SMAD4: variants seen among roughly 807,000 people sequenced by gnomAD.
SMAD4 encodes SMAD family member 4, also known as MAD homolog 4.
Under a neutral mutation model 63.2 loss-of-function variants are expected in SMAD4, and 7 were observed. The observed-to-expected ratio is 0.11, with a 90% CI of 0.06 to 0.21. SMAD4 has a LOEUF of 0.21. Among genes scored for constraint, SMAD4 ranks in the 10% least tolerant of loss-of-function variants. The probability of loss-of-function intolerance (pLI) is 1.00; values close to 1 mark genes in which losing one functional copy is unlikely to be tolerated. For synonymous variants in SMAD4, 215 were observed against 235.4 expected (o/e 0.91, Z 0.79); for missense variants, 312 against 693.8 (o/e 0.45, Z 6.18).
intron 10 of SMAD4, among the ~76,000 whole-genome samples, chr18:51,070,667 A>G (rs1254584068): frequency 2.0e-5 from 3 of 152,142 alleles, no homozygotes; most frequent in Admixed American, 2.0e-4. Flanking sequence ...TAGGTTTTAA[A>G]ATGTGCGCTG....
intron 8 of SMAD4, among the ~76,000 whole-genome samples, chr18:51,063,042 CG>C (rs1346079528): frequency 1.3e-5 from 2 of 151,082 alleles, no homozygotes; most frequent in African/African-American, 4.9e-5. Flanking sequence ...TTAGTAGAGA[CG>C]GGGTTTCACT....
chr18:51,068,795 CCTGTAGTTTTAGCTACTTGGGAG>C (rs1303874055), intron 10 of SMAD4, among the ~76,000 whole-genome samples: 1 of 152,002 alleles, frequency 6.6e-6, no homozygotes, highest in African/African-American at 2.4e-5. Context: ...GTGGTGCATG[CCTGTAGTTTTAGCTACTTGGGAG>C]GCTGAGATGG....
intron 10 of SMAD4, among the ~76,000 whole-genome samples, chr18:51,067,844 A>G (rs1910206108): frequency 2.0e-5 from 3 of 152,242 alleles, no homozygotes; most frequent in African/African-American, 2.4e-5. Context: ...TCAGGATTTT[A>G]TGGAAGAGAA....
In SMAD4 at chr18:51,080,800, CA is replaced by C. The variant is rs1910594385; in HGVS notation, c.*2336del. On this transcript the variant is annotated 3_prime_UTR_variant, in exon 12 of 12. Transcript: ENST00000342988. ...AAGTGATCCATCCACCTTGGCCTCC[CA>C]AAGTGCTGGGATTACGGGCGTGAGC... 1.1e-5 allele frequency: 2 copies of C among 174,986 alleles called. No homozygotes were observed. The highest frequency in any genetic ancestry group is 4.0e-4 in the South Asian group (2 of 5,026). 10.8% of individuals were successfully genotyped at this position (174,986 alleles called of 1,614,324 possible).
At chr18:51,040,775 A>G (rs1302862265) in intron 1 of SMAD4, among the ~76,000 whole-genome samples, 2 of 152,248 alleles carry the variant, frequency 1.3e-5, no homozygotes, top group African/African-American at 4.8e-5. Flanking sequence ...CAGGCAGATA[A>G]CAAGAATCAG....
intron 2 of SMAD4, 73 bp downstream of exon 2, chr18:51,047,368 C>T (rs1380733624): frequency 7.4e-7 from 1 of 1,342,594 alleles, no homozygotes; most frequent in South Asian, 1.2e-5. Context: ...TCCTTTCAAG[C>T]TACTACAGGG....
At chr18:51,045,023 CAG>C (rs1344448765) in intron 1 of SMAD4, 1 of 152,186 alleles carries the variant, frequency 6.6e-6, no homozygotes, top group Non-Finnish European at 1.5e-5. Context: ...GAGATAACAA[CAG>C]AGGGAGGAGC....
chr18:51,033,308 G>A (rs1329878370), intron 1 of SMAD4, among the ~76,000 whole-genome samples: 1 of 151,136 alleles, frequency 6.6e-6, no homozygotes, highest in Non-Finnish European at 1.5e-5. Context: ...TCCTGCGTCA[G>A]CCTCCTGAGT....
chr18:51,064,987 G>A (rs186016465), intron 8 of SMAD4, among the ~76,000 whole-genome samples: 1 of 152,288 alleles, frequency 6.6e-6, no homozygotes, highest in Admixed American at 6.5e-5. Flanking sequence ...GGGTCAGTGT[G>A]TTTTTAAAAA....
chr18:51,032,029 G>A (rs917284840), intron 1 of SMAD4, among the ~76,000 whole-genome samples: 11 of 152,244 alleles, frequency 7.2e-5, no homozygotes, highest in African/African-American at 2.6e-4. Context: ...ATGCTGTCAT[G>A]ATTTTGTTTA....
intron 10 of SMAD4, among the ~76,000 whole-genome samples, chr18:51,067,452 G>A (rs531023728): frequency 2.0e-5 from 3 of 151,666 alleles, no homozygotes; most frequent in Admixed American, 6.6e-5. Context: ...TGCTCTCGTC[G>A]CCCAGGCTGG....
chr18:51,051,941 G>C (rs879289576), intron 4 of SMAD4, among the ~76,000 whole-genome samples: 4 of 151,928 alleles, frequency 2.6e-5, no homozygotes, highest in Non-Finnish European at 4.4e-5. Flanking sequence ...TGAGTAGCTG[G>C]GATTACAGGT....
At chr18:51,040,600 A>G (rs1003734949) in intron 1 of SMAD4, among the ~76,000 whole-genome samples, 6 of 152,214 alleles carry the variant, frequency 3.9e-5, no homozygotes, top group South Asian at 2.1e-4. Flanking sequence ...CCTAAAATAC[A>G]TGAATTTACA....
At chr18:51,072,961 T>TA (rs1373900233) in intron 10 of SMAD4, among the ~76,000 whole-genome samples, 3 of 152,196 alleles carry the variant, frequency 2.0e-5, no homozygotes, top group African/African-American at 7.2e-5. Flanking sequence ...ATGGATTAGT[T>TA]ACAGTGTGAA....
intron 8 of SMAD4, among the ~76,000 whole-genome samples, chr18:51,062,782 A>G (rs1910048902): frequency 6.7e-6 from 1 of 149,582 alleles, no homozygotes; most frequent in South Asian, 2.1e-4. Context: ...TACAGGCATG[A>G]GCCACCATGC....
Position 51,081,190 on chromosome 18 carries a change from A to G in SMAD4, c.*2723A>G, listed in dbSNP as rs1910604716. The G allele has an allele frequency of 4.5e-6, 1 of 223,082 alleles. No individual in the cohort carries two copies. Among genetic ancestry groups the G allele is most frequent in the African/African-American group, 2.2e-5 (1 of 44,754 alleles). The allele number at this position is 223,082 out of a possible 1,614,324, so 13.8% of individuals were successfully genotyped here. A position where few individuals can be genotyped will look rare whatever the true frequency, so the allele number is the denominator to read the frequency against. ...TTATGTCTACTTTAAGGGTAAAATT[A>G]TGAGGTTATGGTTCTGGGTGGGTTT... On this transcript the variant is annotated 3_prime_UTR_variant, in exon 12 of 12. Transcript: ENST00000342988.
chr18:51,055,802 C>A (rs1460839754), intron 5 of SMAD4, among the ~76,000 whole-genome samples: 1 of 151,668 alleles, frequency 6.6e-6, no homozygotes, highest in Non-Finnish European at 1.5e-5. Flanking sequence ...AAACCCACAT[C>A]AGAATAGATT....
intron 1 of SMAD4, 96 bp from the exon 2 acceptor site, chr18:51,046,824 C>T: frequency 2.1e-6 from 1 of 466,180 alleles, no homozygotes. Flanking sequence ...CATTGAATCT[C>T]TGACTTAACC....
At chr18:51,035,897 G>GTGGA (rs1441975582) in intron 1 of SMAD4, among the ~76,000 whole-genome samples, 11 of 152,316 alleles carry the variant, frequency 7.2e-5, no homozygotes, top group African/African-American at 2.6e-4. Context: ...TGGGAATGGA[G>GTGGA]TGGAGGAGGC....
Sources: allele counts gnomAD v4.1 joint callset (sites outside exome capture counted in the v4.1 genomes callset), GRCh38; gene constraint gnomAD v4.1.1; transcripts MANE v1.5; gene names NCBI Gene and HGNC (gene_info 2026-07-23, HGNC 2026-07-21).